Variants in MALRD1 observed in about 807,000 individuals in gnomAD.
The protein encoded by MALRD1 is MAM and LDL receptor class A domain containing 1, also known as MAM and LDL-receptor class A domain-containing protein 1.
MALRD1 carries 247 observed loss-of-function variants against 242.1 expected under a neutral mutation model. The observed-to-expected ratio is 1.02, with a 90% CI of 0.92 to 1.13. MALRD1 has a LOEUF of 1.13. Among genes scored for constraint, MALRD1 ranks in the 50% most tolerant of loss-of-function variants. The pLI, the probability that MALRD1 is intolerant of heterozygous loss-of-function variation, is 0.00. For missense variants in MALRD1, 2,989 were observed against 2,533.1 expected, an observed-to-expected ratio of 1.18 and a Z score of -3.86; for synonymous variants, 995 against 866.6, an observed-to-expected ratio of 1.15 and a Z score of -2.60.
At chr10:19,530,388 AT>A (rs1330714845) in intron 31 of MALRD1, among the ~76,000 whole-genome samples, 7 of 78,100 alleles carry the variant, frequency 9.0e-5, no homozygotes, top group Non-Finnish European at 1.6e-4. Flanking sequence ...AATATTATAT[AT>A]TTATATAAAT....
intron 28 of MALRD1, among the ~76,000 whole-genome samples, chr10:19,393,581 G>C (rs960274523): frequency 1.0e-4 from 15 of 150,718 alleles, no homozygotes; most frequent in African/African-American, 3.6e-4. Context: ...AAGTAGCTGG[G>C]ACTACAGGCG....
chr10:19,083,364 T>C (rs143188694), intron 2 of MALRD1, among the ~76,000 whole-genome samples: 51 of 152,078 alleles, frequency 3.4e-4, no homozygotes, highest in Middle Eastern at 6.8e-3. Flanking sequence ...TTCCAGAGCA[T>C]GTGCACAGCC....
chr10:19,678,973 T>A (rs1340913126), intron 36 of MALRD1, among the ~76,000 whole-genome samples: 1 of 152,216 alleles, frequency 6.6e-6, no homozygotes, highest in Non-Finnish European at 1.5e-5. Flanking sequence ...GATTTGCATA[T>A]GTTGAACCAG....
chr10:19,475,023 A>G (rs1564373110), intron 29 of MALRD1, among the ~76,000 whole-genome samples: 2 of 152,240 alleles, frequency 1.3e-5, no homozygotes, highest in South Asian at 2.1e-4. Context: ...TATTTATCAC[A>G]TGAGAAATAT....
intron 26 of MALRD1, among the ~76,000 whole-genome samples, chr10:19,356,724 G>T (rs1306878190): frequency 6.6e-6 from 1 of 152,010 alleles, no homozygotes; most frequent in African/African-American, 2.4e-5. Flanking sequence ...GGGCACTTTT[G>T]GGCCTGTCTC....
At chr10:19,239,466 A>G (rs1838660654) in intron 18 of MALRD1, among the ~76,000 whole-genome samples, 1 of 152,126 alleles carries the variant, frequency 6.6e-6, no homozygotes, top group African/African-American at 2.4e-5. Context: ...CACTCTGTTA[A>G]GTTTCCTTTG....
At chr10:19,138,605 G>T (rs1280080652) in intron 10 of MALRD1, among the ~76,000 whole-genome samples, 2 of 151,738 alleles carry the variant, frequency 1.3e-5, no homozygotes, top group African/African-American at 4.8e-5. Context: ...ATTTTTAGTA[G>T]TGACAGGTTT....
rs560675798 is a variant in MALRD1, at chr10:19,658,010, T to C, written c.6138-34272T>C. Among the ~76,000 whole-genome samples, 23 of 151,952 alleles carry C rather than the reference T, an allele frequency of 1.5e-4. No homozygotes were observed. In the East Asian group the frequency reaches 3.7e-3, roughly 24 times the overall value. On this transcript the variant is annotated intron_variant, in intron 36 of 39. Coordinates refer to ENST00000454679, the MANE Select transcript of MALRD1 (RefSeq NM_001142308.3). ...TAAAAATACAAAAATTAGCCAGACA[T>C]GGTGGTGCATGCCTGTAATCCCAGC...
chr10:19,437,193 G>T (rs368698365), intron 28 of MALRD1, among the ~76,000 whole-genome samples: 4 of 152,108 alleles, frequency 2.6e-5, no homozygotes, highest in African/African-American at 9.7e-5. Flanking sequence ...ACAGATAAAT[G>T]ATATGATGGC....
At chr10:19,569,691 G>A (rs534596575) in intron 33 of MALRD1, among the ~76,000 whole-genome samples, 9 of 145,258 alleles carry the variant, frequency 6.2e-5, no homozygotes, top group Admixed American at 5.5e-4. Flanking sequence ...ATTATATATT[G>A]TTAATATTAT....
chr10:19,442,539 A>G (rs527374712), intron 28 of MALRD1, among the ~76,000 whole-genome samples: 97 of 152,202 alleles, frequency 6.4e-4, no homozygotes, highest in African/African-American at 2.2e-3. Flanking sequence ...GGGCTGTTGA[A>G]TTTTGTCAAA....
intron 29 of MALRD1, among the ~76,000 whole-genome samples, chr10:19,470,587 A>T (rs1836444387): frequency 6.6e-6 from 1 of 151,754 alleles, no homozygotes; most frequent in Admixed American, 6.6e-5. Context: ...TTTTCTCCAC[A>T]TTCTCCCCTT....
At chr10:19,526,228 C>G (rs867783083) in intron 31 of MALRD1, among the ~76,000 whole-genome samples, 2 of 152,022 alleles carry the variant, frequency 1.3e-5, no homozygotes, top group South Asian at 4.1e-4. Context: ...AAGAATGAGT[C>G]TATTTCTGAA....
chr10:19,211,749 A>AACAGGATAT (rs1837082114), intron 18 of MALRD1, among the ~76,000 whole-genome samples: 1 of 149,164 alleles, frequency 6.7e-6, no homozygotes, highest in South Asian at 2.2e-4. Context: ...TGATTTAAGG[A>AACAGGATAT]ACAGGATATT....
chr10:19,381,563 C>G (rs1209167254), intron 26 of MALRD1, among the ~76,000 whole-genome samples: 1 of 151,586 alleles, frequency 6.6e-6, no homozygotes, highest in African/African-American at 2.4e-5. Flanking sequence ...CACGGTGGCT[C>G]ACGCTTGTAA....
At chr10:19,718,001 T>TAAA (rs71287313) in intron 38 of MALRD1, among the ~76,000 whole-genome samples, 4 of 131,782 alleles carry the variant, frequency 3.0e-5, no homozygotes, top group African/African-American at 1.1e-4. Flanking sequence ...AGATTCTACC[T>TAAA]AAATAAATAA....
intron 4 of MALRD1, among the ~76,000 whole-genome samples, chr10:19,095,887 G>A (rs142596001): frequency 2.6e-5 from 4 of 152,176 alleles, no homozygotes; most frequent in African/African-American, 9.7e-5. Context: ...GTCACATTGA[G>A]TAGACGCTGA....
chr10:19,369,838 T>C (rs1247631270), intron 26 of MALRD1, among the ~76,000 whole-genome samples: 3 of 151,910 alleles, frequency 2.0e-5, no homozygotes, highest in African/African-American at 4.8e-5. Flanking sequence ...ATTACTGATA[T>C]ATTACTTTCT....
At chr10:19,416,474 T>C (rs911148244) in intron 28 of MALRD1, among the ~76,000 whole-genome samples, 4 of 152,138 alleles carry the variant, frequency 2.6e-5, no homozygotes, top group African/African-American at 9.7e-5. Context: ...TTAATCTTCA[T>C]TGATGTGAGT....
Sources: gnomAD v4.1 joint callset for allele counts (sites outside exome capture counted in the v4.1 genomes callset) on GRCh38, gnomAD v4.1.1 for gene constraint, MANE v1.5 for transcripts, NCBI Gene and HGNC (gene_info 2026-07-23, HGNC 2026-07-21) for gene names.